The following EHBP1 variants were observed in gnomAD, a reference collection of about 807,000 sequenced individuals.
EHBP1 encodes EH domain binding protein 1.
In EHBP1, 55 loss-of-function variants were observed where a neutral mutation model predicts 144.0. The ratio of observed to expected loss-of-function variants is 0.38; its 90% CI spans 0.31 to 0.48. EHBP1 has a LOEUF of 0.48. Ranked by LOEUF, EHBP1 falls within the 20% of genes least tolerant of loss-of-function variation. The pLI is 0.98. For missense variants in EHBP1, 1,200 were observed against 1,364.2 expected, an observed-to-expected ratio of 0.88 and a Z score of 1.90; for synonymous variants, 469 against 472.7, an observed-to-expected ratio of 0.99 and a Z score of 0.10.
At chr2:63,003,228 A>G (rs1011732922) in intron 19 of EHBP1, among the ~76,000 whole-genome samples, 2 of 152,066 alleles carry the variant, frequency 1.3e-5, no homozygotes, top group South Asian at 2.1e-4. Flanking sequence ...TTGACCACCA[A>G]TGGTAAACGT....
intron 12 of EHBP1, among the ~76,000 whole-genome samples, 168 bp downstream of exon 12, chr2:62,944,018 A>T (rs2056923833): frequency 6.6e-6 from 1 of 152,228 alleles, no homozygotes; most frequent in Non-Finnish European, 1.5e-5. Context: ...CTGGTTTATC[A>T]TGGACTTTTA....
intron 5 of EHBP1, among the ~76,000 whole-genome samples, chr2:62,796,905 T>C (rs1001925170): frequency 1.3e-5 from 2 of 151,974 alleles, no homozygotes; most frequent in African/African-American, 4.8e-5. Context: ...CCCTCCTCCG[T>C]AGGCCCCCTC....
chr2:63,005,501 G>A (rs951799615), intron 19 of EHBP1, among the ~76,000 whole-genome samples: 22 of 151,998 alleles, frequency 1.4e-4, no homozygotes, highest in African/African-American at 4.8e-4. Flanking sequence ...TGTGCCTTTG[G>A]ATAATATTAT....
At chr2:62,978,123 T>C (rs1318120406) in intron 14 of EHBP1, among the ~76,000 whole-genome samples, 2 of 152,122 alleles carry the variant, frequency 1.3e-5, no homozygotes, top group African/African-American at 4.8e-5. Context: ...TTTATCATAA[T>C]AATGCCATAT....
At chr2:62,868,908 C>G (rs997318046) in intron 9 of EHBP1, among the ~76,000 whole-genome samples, 5 of 152,098 alleles carry the variant, frequency 3.3e-5, no homozygotes, top group Non-Finnish European at 5.9e-5. Flanking sequence ...GAGCTATGAT[C>G]ACTCCATTGC....
chr2:62,683,929 G>A (rs2033626925), intron 1 of EHBP1, among the ~76,000 whole-genome samples: 1 of 152,152 alleles, frequency 6.6e-6, no homozygotes, highest in African/African-American at 2.4e-5. Flanking sequence ...GGATGCAGCA[G>A]CTCTAAGAAT....
At chr2:62,775,683 C>T (rs2042008647) in intron 5 of EHBP1, among the ~76,000 whole-genome samples, 1 of 152,114 alleles carries the variant, frequency 6.6e-6, no homozygotes, top group Non-Finnish European at 1.5e-5. Flanking sequence ...TTACTATGTA[C>T]CAGGTACTAT....
In EHBP1 at chr2:62,938,410, A is replaced by G. The variant is rs1002261323; in HGVS notation, c.1186-4308A>G. 2.0e-5 allele frequency among the ~76,000 whole-genome samples: 3 copies of G among 152,348 alleles called. No individual in the cohort carries two copies. The South Asian group carries it at 6.2e-4, about 32-fold the overall frequency. On this transcript the variant is annotated intron_variant, in intron 10 of 22. Transcript: ENST00000431489. ...AGACAGCAAAAGAGAAGGAAACTAT[A>G]GTTAGAGGGATAGAGCAGAAAAAAT...
chr2:62,886,312 G>T (rs2051924047), intron 10 of EHBP1, among the ~76,000 whole-genome samples: 1 of 152,146 alleles, frequency 6.6e-6, no homozygotes, highest in African/African-American at 2.4e-5. Flanking sequence ...AAAAGGATGA[G>T]AATCAAATGT....
chr2:62,980,852 C>T (rs934321135), intron 15 of EHBP1, among the ~76,000 whole-genome samples: 14 of 147,148 alleles, frequency 9.5e-5, no homozygotes, highest in Admixed American at 6.8e-4. Flanking sequence ...TTTTTTTTCA[C>T]GTGTCTTTTT....
intron 9 of EHBP1, among the ~76,000 whole-genome samples, chr2:62,868,627 A>T (rs923455432): frequency 1.3e-5 from 2 of 149,320 alleles, no homozygotes; most frequent in East Asian, 4.0e-4. Flanking sequence ...TATCCAGAAT[A>T]TGTAAAGAAC....
chr2:62,847,942 A>G (rs1486435889), intron 7 of EHBP1, among the ~76,000 whole-genome samples: 1 of 152,162 alleles, frequency 6.6e-6, no homozygotes, highest in African/African-American at 2.4e-5. Context: ...TCACAGAGAG[A>G]TACAACTCTA....
At chr2:62,710,908 G>A (rs1380115144) in intron 2 of EHBP1, among the ~76,000 whole-genome samples, 1 of 152,150 alleles carries the variant, frequency 6.6e-6, no homozygotes, top group Non-Finnish European at 1.5e-5. Flanking sequence ...GCTTAAGCAA[G>A]CATTTCTCTG....
chr2:62,921,740 T>C (rs890740035), intron 10 of EHBP1, among the ~76,000 whole-genome samples: 5 of 152,154 alleles, frequency 3.3e-5, no homozygotes, highest in African/African-American at 1.2e-4. Context: ...GTGTGTAGCT[T>C]TTGTCCCCAT....
At chr2:63,017,396 C>T (rs189313058) in intron 19 of EHBP1, among the ~76,000 whole-genome samples, 1 of 152,322 alleles carries the variant, frequency 6.6e-6, no homozygotes, top group East Asian at 1.9e-4. Context: ...AATGTAGAAC[C>T]TTAACCCTGG....
chr2:62,968,402 G>A lies in EHBP1; in HGVS notation c.2461-10786G>A, dbSNP rs1574287751. Among the ~76,000 whole-genome samples the A allele has an allele frequency of 2.6e-5, 4 of 152,114 alleles. No homozygotes were observed. The East Asian group carries it at 7.7e-4, about 29-fold the overall frequency. On this transcript the variant is annotated intron_variant, in intron 14 of 22. Transcript: ENST00000431489. The stretch of plus-strand genomic sequence containing the variant: ...TTTCAGTACCTGAACAGGAAACGAA[G>A]TAAGAAGTTACATAAGCACATATAT...
At chr2:62,799,383 A>G (rs1389427678) in intron 5 of EHBP1, among the ~76,000 whole-genome samples, 1 of 152,208 alleles carries the variant, frequency 6.6e-6, no homozygotes, top group Non-Finnish European at 1.5e-5. Flanking sequence ...TACTGTAACT[A>G]TATATGACTG....
chr2:62,921,182 A>C (rs917555217), intron 10 of EHBP1, among the ~76,000 whole-genome samples: 1 of 152,180 alleles, frequency 6.6e-6, no homozygotes, highest in African/African-American at 2.4e-5. Context: ...ATGGTGGCTC[A>C]TGCCTGTAAT....
At chr2:63,031,906 G>A (rs2061264336) in intron 19 of EHBP1, among the ~76,000 whole-genome samples, 1 of 152,006 alleles carries the variant, frequency 6.6e-6, no homozygotes, top group Admixed American at 6.6e-5. Flanking sequence ...TTCAGCCTGG[G>A]TGACAGAGCA....
Sources: gnomAD v4.1 joint callset for allele counts (sites outside exome capture counted in the v4.1 genomes callset) on GRCh38, gnomAD v4.1.1 for gene constraint, MANE v1.5 for transcripts, NCBI Gene and HGNC (gene_info 2026-07-23, HGNC 2026-07-21) for gene names.